The following PCDHA13 variants were observed in gnomAD, a reference collection of about 807,000 sequenced individuals.
PCDHA13 encodes protocadherin alpha-13.
Under a neutral mutation model 64.8 loss-of-function variants are expected in PCDHA13, and 54 were observed. The observed-to-expected ratio is 0.83, with a 90% CI of 0.67 to 1.04. PCDHA13 has a LOEUF of 1.04. PCDHA13 is among the 50% of genes least tolerant of loss of function. The pLI is 0.00. For missense variants in PCDHA13, 1,248 were observed against 1,254.3 expected, an observed-to-expected ratio of 0.99 and a Z score of 0.08; for synonymous variants, 587 against 564.4, an observed-to-expected ratio of 1.04 and a Z score of -0.57.
intron 1 of PCDHA13, among the ~76,000 whole-genome samples, chr5:140,900,728 C>A (rs2068258961): frequency 1.3e-5 from 2 of 152,188 alleles, no homozygotes; most frequent in Non-Finnish European, 2.9e-5. Flanking sequence ...TCCTACCTAG[C>A]AGTGGGATTT....
chr5:140,928,551 G>C, intron 1 of PCDHA13: 1 of 1,614,164 alleles, frequency 6.2e-7, no homozygotes, highest in Non-Finnish European at 8.5e-7. Context: ...ACAATTATCC[G>C]GTTATCTTGT....
At chr5:140,980,279 AAAAGTACC>A (rs1554241598) in intron 2 of PCDHA13, among the ~76,000 whole-genome samples, 2 of 152,236 alleles carry the variant, frequency 1.3e-5, no homozygotes, top group African/African-American at 4.8e-5. Flanking sequence ...CCAACTCTTG[AAAAGTACC>A]AAAGCTATGA....
intron 1 of PCDHA13, among the ~76,000 whole-genome samples, chr5:140,904,681 A>G (rs1562946233): frequency 6.6e-6 from 1 of 152,192 alleles, no homozygotes; most frequent in South Asian, 2.1e-4. Context: ...CATTCCCACC[A>G]GCAGTGTAAA....
chr5:140,929,159 A>G lies in PCDHA13; in HGVS notation c.2394+44497A>G, dbSNP rs781818133. The G allele has an allele frequency of 1.7e-5, 27 of 1,613,968 alleles. No homozygotes were observed. Among genetic ancestry groups the G allele is most frequent in the South Asian group, 1.4e-4 (13 of 91,088 alleles). On this transcript the variant is annotated intron_variant, in intron 1 of 3. Coordinates refer to ENST00000289272, the MANE Select transcript of PCDHA13 (RefSeq NM_018904.3). The stretch of plus-strand genomic sequence containing the variant: ...GAGAGACTTTCTCAGACTTATCTCT[A>G]TCGGGCCTCTCTGGGACTTGGTTCT...
At chr5:140,885,592 G>T (rs1428219345) in intron 1 of PCDHA13, among the ~76,000 whole-genome samples, 3 of 152,102 alleles carry the variant, frequency 2.0e-5, no homozygotes, top group Non-Finnish European at 2.9e-5. Flanking sequence ...ATGCATCAAA[G>T]ATATTAATAA....
chr5:140,942,511 CAG>C (rs574477918), intron 1 of PCDHA13, among the ~76,000 whole-genome samples: 21 of 151,458 alleles, frequency 1.4e-4, no homozygotes, highest in Non-Finnish European at 2.8e-4. Flanking sequence ...CTAGGAAACT[CAG>C]AGGGGAAGCA....
chr5:140,903,587 G>A (rs62384486), intron 1 of PCDHA13, among the ~76,000 whole-genome samples: 1 of 152,156 alleles, frequency 6.6e-6, no homozygotes, highest in African/African-American at 2.4e-5. Context: ...GCTGGTGTTG[G>A]CCTGATAAAT....
chr5:140,975,056 A>C (rs1006106436), intron 1 of PCDHA13, among the ~76,000 whole-genome samples: 1 of 152,154 alleles, frequency 6.6e-6, no homozygotes, highest in Non-Finnish European at 1.5e-5. Flanking sequence ...AGAATCTACT[A>C]TCGAGCTCAT....
Position 140,884,148 on chromosome 5 carries a change from A to G in PCDHA13, c.1880A>G (p.Tyr627Cys). 3 of 1,613,432 alleles carry G rather than the reference A, an allele frequency of 1.9e-6. No individual in the cohort carries two copies. The highest frequency in any genetic ancestry group is 2.5e-6 in the Non-Finnish European group (3 of 1,179,736). ...GARIPFRVGL[Y>C]TGEISTTRPL... Reference sequence around the variant, plus strand: ...CGCATCCCGTTCCGCGTGGGGCTGTACACTGGCGAGATCAGCACGACGCGC... The same window carrying G: ...CGCATCCCGTTCCGCGTGGGGCTGTGCACTGGCGAGATCAGCACGACGCGC... The change falls in exon 1 of 4, where the codon TAC (tyrosine) becomes TGC (cysteine). Residue 627 changes from tyrosine to cysteine, a missense_variant. Transcript: ENST00000289272.
Position 140,883,962 on chromosome 5 carries a change from T to G in PCDHA13, c.1694T>G (p.Leu565Arg). 3 of 1,613,126 alleles carry G rather than the reference T, an allele frequency of 1.9e-6. No homozygotes were observed. The highest frequency in any genetic ancestry group is 2.5e-6 in the Non-Finnish European group (3 of 1,179,754). The change falls in exon 1 of 4, where the codon CTG becomes CGG. Residue 565 changes from leucine (L) to arginine (R), a missense_variant. Coordinates refer to ENST00000289272, the MANE Select transcript of PCDHA13 (RefSeq NM_018904.3). ...VLDENDNAPA[L>R]LTPGAGSAGG... ...GACGAGAACGACAACGCTCCGGCGC[T>G]GCTGACGCCCGGGGCTGGCAGCGCG...
At chr5:140,964,417 C>T (rs1279243450) in intron 1 of PCDHA13, among the ~76,000 whole-genome samples, 15 of 152,088 alleles carry the variant, frequency 9.9e-5, no homozygotes, top group Admixed American at 9.8e-4. Context: ...TGGGGGCTTC[C>T]ATTAAAAAAT....
In PCDHA13 at chr5:140,958,926, C is replaced by T. The variant is rs2095452227; in HGVS notation, c.2395-20023C>T. Among the ~76,000 whole-genome samples the T allele has an allele frequency of 2.1e-5, 3 of 143,506 alleles. No individual in the cohort carries two copies. The Admixed American group carries it at 2.1e-4, about 10-fold the overall frequency. The allele number at this position is 143,506 out of a possible 152,430, so 94.1% of individuals were successfully genotyped here. A position where few individuals can be genotyped will look rare whatever the true frequency, so the allele number is the denominator to read the frequency against. Reference sequence around the variant, plus strand: ...AGAAAAGTCTGCCTGGGTGTGGTGGCTCATACTTGTAATAATATTATATTA... The same window carrying T: ...AGAAAAGTCTGCCTGGGTGTGGTGGTTCATACTTGTAATAATATTATATTA... On this transcript the variant is annotated intron_variant, in intron 1 of 3. Transcript: ENST00000289272.
At chr5:140,905,855 A>G (rs1297642648) in intron 1 of PCDHA13, among the ~76,000 whole-genome samples, 1 of 152,128 alleles carries the variant, frequency 6.6e-6, no homozygotes, top group East Asian at 1.9e-4. Context: ...AGGAGTATTA[A>G]CTCACACAAT....
chr5:140,886,827 GAAA>G (rs782016620), intron 1 of PCDHA13, among the ~76,000 whole-genome samples: 1 of 60,882 alleles, frequency 1.6e-5, no homozygotes. Flanking sequence ...ACTTCGTCTT[GAAA>G]AAAAAAAAAA....
rs1284021507 is a variant in PCDHA13, at chr5:140,883,838, G to C, written c.1570G>C (p.Asp524His). The C allele has an allele frequency of 6.2e-7, 1 of 1,612,620 alleles. No individual in the cohort carries two copies. The highest frequency in any genetic ancestry group is 8.5e-7 in the Non-Finnish European group (1 of 1,179,840). Residue 524 changes from aspartate to histidine, a missense_variant, in exon 1 of 4, where the codon GAC (aspartate) becomes CAC (histidine). Coordinates refer to ENST00000289272, the MANE Select transcript of PCDHA13 (RefSeq NM_018904.3). ...SGKVYALQPL[D>H]HEELELLQFQ... is the part of the protein sequence containing the mutation. ...CAAGGTGTACGCGCTGCAGCCGTTG[G>C]ACCACGAGGAGCTGGAGCTGTTGCA...
intron 3 of PCDHA13, among the ~76,000 whole-genome samples, chr5:140,996,330 A>G (rs551945424): frequency 6.6e-6 from 1 of 152,208 alleles, no homozygotes; most frequent in Non-Finnish European, 1.5e-5. Flanking sequence ...TAGAGAAGAA[A>G]AGTTTGAAAA....
intron 1 of PCDHA13, among the ~76,000 whole-genome samples, chr5:140,955,964 A>G (rs148345661): frequency 5.3e-5 from 8 of 152,256 alleles, no homozygotes; most frequent in African/African-American, 1.7e-4. Flanking sequence ...TTGTTTGTGC[A>G]TAGGAATGCT....
At chr5:140,947,769 A>T (rs2094173274) in intron 1 of PCDHA13, among the ~76,000 whole-genome samples, 1 of 151,626 alleles carries the variant, frequency 6.6e-6, no homozygotes, top group Non-Finnish European at 1.5e-5. Context: ...AAAAAATTCT[A>T]TTGTAAATGG....
chr5:140,972,552 T>G (rs1247039171), intron 1 of PCDHA13, among the ~76,000 whole-genome samples: 1 of 152,160 alleles, frequency 6.6e-6, no homozygotes, highest in Admixed American at 6.5e-5. Flanking sequence ...CAGTGAGGAT[T>G]CTGAAGTAAC....
Sources: allele counts gnomAD v4.1 joint callset (sites outside exome capture counted in the v4.1 genomes callset), GRCh38; gene constraint gnomAD v4.1.1; transcripts MANE v1.5; gene names NCBI Gene and HGNC (gene_info 2026-07-23, HGNC 2026-07-21).